The following GRIK2 variants were observed in gnomAD, a reference collection of about 807,000 sequenced individuals.
The protein encoded by GRIK2 is glutamate receptor ionotropic, kainate 2.
In GRIK2, 32 loss-of-function variants were observed where a neutral mutation model predicts 100.3. The ratio of observed to expected loss-of-function variants is 0.32; its 90% confidence interval spans 0.24 to 0.43. The LOEUF (loss-of-function observed/expected upper bound fraction) is 0.43, where lower values mean the gene tolerates loss of function less well. GRIK2 is among the 20% of genes least tolerant of loss of function. The pLI is 1.00. For missense variants in GRIK2, 843 were observed against 1,114.9 expected, an observed-to-expected ratio of 0.76 and a Z score of 3.47; for synonymous variants, 417 against 389.4, an observed-to-expected ratio of 1.07 and a Z score of -0.83.
Position 101,459,930 on chromosome 6 carries a change from T to A in GRIK2, c.115+60538T>A, listed in dbSNP as rs559445654. On this transcript the variant is annotated intron_variant, in intron 2 of 16. Transcript: ENST00000369134. ...ACCACCACGCCCAGCTAATTTTTTG[T>A]ATTTGCAGTAGAGACAGGGTTTCAC... Among the ~76,000 whole-genome samples, 4 of 152,246 alleles carry A rather than the reference T, an allele frequency of 2.6e-5. No individual in the cohort carries two copies. In the South Asian group the frequency reaches 8.3e-4, roughly 32 times the overall value.
At chr6:101,727,122 A>C (rs1159904074) in intron 7 of GRIK2, among the ~76,000 whole-genome samples, 1 of 152,080 alleles carries the variant, frequency 6.6e-6, no homozygotes, top group Non-Finnish European at 1.5e-5. Context: ...TCATTCTCAT[A>C]TATATACAAT....
chr6:101,446,808 T>G (rs1182207156), intron 2 of GRIK2, among the ~76,000 whole-genome samples: 4 of 350 alleles, frequency 0.011, no homozygotes, highest in African/African-American at 0.077. Flanking sequence ...CTTTGTCGTA[T>G]TTTTTTTTGT....
chr6:101,782,397 C>T (rs1779151753), intron 7 of GRIK2, among the ~76,000 whole-genome samples: 1 of 152,178 alleles, frequency 6.6e-6, no homozygotes, highest in African/African-American at 2.4e-5. Flanking sequence ...CTATCATTCT[C>T]CTCTCTACTT....
At chr6:101,543,039 G>C (rs1776080000) in intron 2 of GRIK2, among the ~76,000 whole-genome samples, 1 of 152,096 alleles carries the variant, frequency 6.6e-6, no homozygotes, top group Non-Finnish European at 1.5e-5. Context: ...ATTCTTTCCT[G>C]TGTGTGCTTT....
At chr6:101,759,104 A>G (rs1777321440) in intron 7 of GRIK2, among the ~76,000 whole-genome samples, 1 of 152,200 alleles carries the variant, frequency 6.6e-6, no homozygotes, top group African/African-American at 2.4e-5. Context: ...TTGCATATCA[A>G]GTAGCATATT....
chr6:101,871,529 C>T (rs913030476), intron 11 of GRIK2, among the ~76,000 whole-genome samples: 1 of 150,938 alleles, frequency 6.6e-6, no homozygotes, highest in Non-Finnish European at 1.5e-5. Flanking sequence ...CATTTGCCCC[C>T]TTTGCCCCAA....
chr6:101,631,356 C>G (rs1780735540), intron 4 of GRIK2, among the ~76,000 whole-genome samples: 1 of 151,972 alleles, frequency 6.6e-6, no homozygotes, highest in South Asian at 2.1e-4. Context: ...AGTCCATTAA[C>G]AAAAAAACTC....
At chr6:101,743,553 A>C (rs1446187623) in intron 7 of GRIK2, among the ~76,000 whole-genome samples, 1 of 151,886 alleles carries the variant, frequency 6.6e-6, no homozygotes, top group African/African-American at 2.4e-5. Context: ...GCTTCCTTCC[A>C]TAGTTTTTTC....
At chr6:101,560,948 T>G (rs17828670) in intron 2 of GRIK2, among the ~76,000 whole-genome samples, 14,686 of 152,148 alleles carry the variant, frequency 0.097, 798 homozygotes, top group Middle Eastern at 0.15. Context: ...ATGTCTATGC[T>G]AGAGAGAATG....
chr6:101,611,075 A>G (rs1779654613), intron 2 of GRIK2, among the ~76,000 whole-genome samples: 1 of 151,748 alleles, frequency 6.6e-6, no homozygotes, highest in Non-Finnish European at 1.5e-5. Context: ...CCTCCCTTGG[A>G]TTTTAATGGT....
chr6:101,493,204 A>G (rs954150034), intron 2 of GRIK2, among the ~76,000 whole-genome samples: 1 of 152,072 alleles, frequency 6.6e-6, no homozygotes, highest in Non-Finnish European at 1.5e-5. Context: ...AGAGAAGAGA[A>G]GCAATAGGCA....
At chr6:101,970,027 G>A (rs550791776) in intron 14 of GRIK2, among the ~76,000 whole-genome samples, 108 of 152,100 alleles carry the variant, frequency 7.1e-4, no homozygotes, top group African/African-American at 2.5e-3. Flanking sequence ...GTAAAGGCCT[G>A]TTAGACCAAT....
chr6:101,915,532 G>T (rs1789045948), intron 12 of GRIK2, among the ~76,000 whole-genome samples: 1 of 143,856 alleles, frequency 7.0e-6, no homozygotes, highest in African/African-American at 2.6e-5. Flanking sequence ...TATTTACTAT[G>T]GAATAAAACA....
At chr6:101,679,489 T>C (rs1320898062) in intron 5 of GRIK2, among the ~76,000 whole-genome samples, 2 of 152,180 alleles carry the variant, frequency 1.3e-5, no homozygotes, top group African/African-American at 4.8e-5. Context: ...AGGCAATTAT[T>C]ATATTATTTG....
intron 4 of GRIK2, among the ~76,000 whole-genome samples, chr6:101,636,169 A>AT (rs1372117820): frequency 6.6e-6 from 1 of 152,210 alleles, no homozygotes; most frequent in Non-Finnish European, 1.5e-5. Context: ...CTATGCAGCC[A>AT]TAAAAAAAAG....
chr6:101,761,352 T>TC (rs1318885479), intron 7 of GRIK2, among the ~76,000 whole-genome samples: 1 of 152,050 alleles, frequency 6.6e-6, no homozygotes, highest in Non-Finnish European at 1.5e-5. Flanking sequence ...AGTCATTTCT[T>TC]CTTTTTTTTT....
At chr6:101,770,498 T>C (rs1008200133) in intron 7 of GRIK2, among the ~76,000 whole-genome samples, 1 of 152,214 alleles carries the variant, frequency 6.6e-6, no homozygotes, top group African/African-American at 2.4e-5. Flanking sequence ...AATGAAAGTC[T>C]TTTATGTCCT....
intron 14 of GRIK2, among the ~76,000 whole-genome samples, chr6:101,929,379 G>C (rs1790116681): frequency 6.6e-6 from 1 of 152,020 alleles, no homozygotes; most frequent in African/African-American, 2.4e-5. Context: ...TATTTTTACA[G>C]TTTTTGTAGG....
At chr6:101,974,635 C>T (rs889438886) in intron 14 of GRIK2, among the ~76,000 whole-genome samples, 2 of 151,996 alleles carry the variant, frequency 1.3e-5, no homozygotes, top group Non-Finnish European at 2.9e-5. Context: ...TTAGATTTTG[C>T]TCTCAATGCC....
Sources: gnomAD v4.1 joint callset for allele counts (sites outside exome capture counted in the v4.1 genomes callset) on GRCh38, gnomAD v4.1.1 for gene constraint, MANE v1.5 for transcripts, NCBI Gene and HGNC (gene_info 2026-07-23, HGNC 2026-07-21) for gene names.